FAM13A: variants seen among roughly 807,000 people sequenced by gnomAD.
FAM13A encodes family with sequence similarity 13 member A, also known as protein FAM13A.
A neutral mutation model predicts 129.6 loss-of-function variants in FAM13A; 76 were observed. The ratio of observed to expected loss-of-function variants is 0.59; its 90% CI spans 0.49 to 0.71. The LOEUF (loss-of-function observed/expected upper bound fraction) is 0.71, where lower values mean the gene tolerates loss of function less well. Among genes scored for constraint, FAM13A ranks in the 30% least tolerant of loss-of-function variants. The probability of loss-of-function intolerance (pLI) is 0.00; values close to 1 mark genes in which losing one functional copy is unlikely to be tolerated. For synonymous variants in FAM13A, 443 were observed against 449.9 expected, an observed-to-expected ratio of 0.98 and a Z score of 0.20; for missense variants, 1,108 against 1,249.3, an observed-to-expected ratio of 0.89 and a Z score of 1.70.
intron 8 of FAM13A, among the ~76,000 whole-genome samples, chr4:88,801,830 G>C (rs979180374): frequency 9.7e-6 from 1 of 103,212 alleles, no homozygotes; most frequent in Non-Finnish European, 2.1e-5. Context: ...TGGTGTAGGG[G>C]AGGTGGGAGC....
chr4:88,859,483 T>C (rs1382054902), intron 6 of FAM13A, among the ~76,000 whole-genome samples: 1 of 152,118 alleles, frequency 6.6e-6, no homozygotes, highest in Non-Finnish European at 1.5e-5. Flanking sequence ...TGGGAGCAGG[T>C]GGATGCTGTC....
chr4:88,975,777 G>A (rs1760823773), intron 4 of FAM13A, among the ~76,000 whole-genome samples: 1 of 152,164 alleles, frequency 6.6e-6, no homozygotes, highest in Admixed American at 6.5e-5. Flanking sequence ...CAAGGCAAAT[G>A]ATACAATGAA....
chr4:89,029,528 C>T lies in FAM13A; in HGVS notation c.149G>A (p.Arg50Gln), dbSNP rs748944230. ...LFGVSLQELE[R>Q]QGLTENGIPA... Reference sequence around the variant, plus strand: ...AATGCCATTCTCGGTGAGCCCCTGCCGTTCAAGTTCTTGGAGACTGACTCC... The same window carrying T: ...AATGCCATTCTCGGTGAGCCCCTGCTGTTCAAGTTCTTGGAGACTGACTCC... Residue 50 changes from arginine to glutamine, a missense_variant, in exon 2 of 24, where the codon CGG becomes CAG. Transcript: ENST00000264344. 31 of 1,591,804 alleles carry T rather than the reference C, an allele frequency of 1.9e-5. 1 individual carries two copies. In the South Asian group the frequency reaches 2.9e-4, roughly 15 times the overall value.
chr4:88,823,000 G>A, intron 7 of FAM13A: 1 of 1,613,594 alleles, frequency 6.2e-7, no homozygotes, highest in Non-Finnish European at 8.5e-7. Context: ...GATTTCACAA[G>A]CCATTCTCGT....
At chr4:88,903,819 T>C (rs915586236) in intron 6 of FAM13A, among the ~76,000 whole-genome samples, 1 of 152,188 alleles carries the variant, frequency 6.6e-6, no homozygotes, top group African/African-American at 2.4e-5. Flanking sequence ...CAAAAGAAAC[T>C]GTCACCATAG....
intron 2 of FAM13A, among the ~76,000 whole-genome samples, chr4:89,021,256 G>C (rs1767215152): frequency 6.6e-6 from 1 of 152,162 alleles, no homozygotes; most frequent in Admixed American, 6.5e-5. Context: ...TCCTGGAGGA[G>C]GTAAACTTAA....
chr4:88,943,819 A>C (rs1308414843), intron 4 of FAM13A, among the ~76,000 whole-genome samples: 1 of 152,252 alleles, frequency 6.6e-6, no homozygotes, highest in Admixed American at 6.5e-5. Context: ...AAGAAGAATT[A>C]TGAATTTTTA....
At chr4:88,957,251 G>C (rs1365584539) in intron 4 of FAM13A, among the ~76,000 whole-genome samples, 1 of 152,044 alleles carries the variant, frequency 6.6e-6, no homozygotes, top group Non-Finnish European at 1.5e-5. Flanking sequence ...ACTTCAACCT[G>C]GGAGGTGGAG....
chr4:88,906,734 A>T (rs1748235794), intron 5 of FAM13A, among the ~76,000 whole-genome samples: 1 of 152,204 alleles, frequency 6.6e-6, no homozygotes, highest in Non-Finnish European at 1.5e-5. Flanking sequence ...CTGCACTGTT[A>T]TGTCATTTTA....
At chr4:88,862,888 C>A (rs967647129) in intron 6 of FAM13A, among the ~76,000 whole-genome samples, 2 of 151,186 alleles carry the variant, frequency 1.3e-5, no homozygotes, top group African/African-American at 4.9e-5. Context: ...ATAATATAGT[C>A]ATTAAGAGAG....
chr4:88,981,383 T>C (rs1330251890), intron 4 of FAM13A, among the ~76,000 whole-genome samples: 1 of 152,168 alleles, frequency 6.6e-6, no homozygotes, highest in Non-Finnish European at 1.5e-5. Context: ...CTTAATCAGA[T>C]TTTTAAATAC....
chr4:88,919,909 C>T (rs10028589), intron 5 of FAM13A, among the ~76,000 whole-genome samples: 44,376 of 152,084 alleles, frequency 0.29, 6,856 homozygotes, highest in African/African-American at 0.39. Flanking sequence ...GCGCACATGG[C>T]TCGGAGGGTC....
At position 88,739,603 on chromosome 4, in the gene FAM13A, C is replaced by T. The variant is rs574661311; in HGVS notation, c.2467-478G>A. ...CAGCCTGGCCAACATGGTGAAACCC[C>T]GTCTCTACTAAAAAATACAAAAAAA... On this transcript the variant is annotated intron_variant, in intron 19 of 23. Coordinates refer to ENST00000264344, the MANE Select transcript of FAM13A (RefSeq NM_014883.4). Among the ~76,000 whole-genome samples, 18 of 144,176 alleles carry T rather than the reference C, an allele frequency of 1.2e-4. No individual in the cohort carries two copies. In the East Asian group the frequency reaches 2.3e-3, roughly 18 times the overall value. The allele number at this position is 144,176 out of a possible 152,430, so 94.6% of individuals were successfully genotyped here. A position where few individuals can be genotyped will look rare whatever the true frequency, so the allele number is the denominator to read the frequency against.
At chr4:88,808,772 A>T (rs368059471) in intron 7 of FAM13A, among the ~76,000 whole-genome samples, 349 of 152,184 alleles carry the variant, frequency 2.3e-3, no homozygotes, top group African/African-American at 7.5e-3. Flanking sequence ...AATTATAAGT[A>T]GTTTACTTAA....
intron 2 of FAM13A, among the ~76,000 whole-genome samples, chr4:89,028,584 G>A (rs981011427): frequency 1.3e-5 from 2 of 151,976 alleles, no homozygotes; most frequent in African/African-American, 4.8e-5. Flanking sequence ...CCAGCTACTC[G>A]CGAGGCTAAG....
At chr4:88,860,490 CA>C (rs1354210370) in intron 6 of FAM13A, among the ~76,000 whole-genome samples, 1 of 152,198 alleles carries the variant, frequency 6.6e-6, no homozygotes, top group Non-Finnish European at 1.5e-5. Context: ...GATATATCCA[CA>C]AGTGAAGGTA....
At chr4:88,876,722 G>T (rs1041983453) in intron 6 of FAM13A, among the ~76,000 whole-genome samples, 1 of 152,024 alleles carries the variant, frequency 6.6e-6, no homozygotes, top group African/African-American at 2.4e-5. Flanking sequence ...CTCCCAAGTA[G>T]CTGGGACTAC....
intron 5 of FAM13A, among the ~76,000 whole-genome samples, chr4:88,933,213 T>C (rs1163609386): frequency 6.6e-6 from 1 of 152,210 alleles, no homozygotes; most frequent in Non-Finnish European, 1.5e-5. Flanking sequence ...ATCTAGATAT[T>C]TCTAGATAGA....
At chr4:88,916,098 T>A (rs1006313526) in intron 5 of FAM13A, among the ~76,000 whole-genome samples, 16 of 152,136 alleles carry the variant, frequency 1.1e-4, no homozygotes, top group Admixed American at 1.0e-3. Flanking sequence ...GCCCCCTAAC[T>A]ATGTGATGCC....
Sources: gnomAD v4.1 joint callset for allele counts (sites outside exome capture counted in the v4.1 genomes callset) on GRCh38, gnomAD v4.1.1 for gene constraint, MANE v1.5 for transcripts, NCBI Gene and HGNC (gene_info 2026-07-23, HGNC 2026-07-21) for gene names.